Variants in SPAG16 observed in about 807,000 individuals in gnomAD.
SPAG16 encodes sperm-associated antigen 16 protein.
A neutral mutation model predicts 80.4 loss-of-function variants in SPAG16; 86 were observed. That is an observed-to-expected ratio of 1.07 (90% CI 0.90 to 1.28). SPAG16 has a LOEUF of 1.28. Among genes scored for constraint, SPAG16 ranks in the 50% most tolerant of loss-of-function variants. The pLI is 0.00. For synonymous variants in SPAG16, 294 were observed against 265.9 expected (o/e 1.11, Z -1.03); for missense variants, 870 against 765.3 (o/e 1.14, Z -1.61).
intron 15 of SPAG16, among the ~76,000 whole-genome samples, chr2:214,222,981 G>T (rs539336913): frequency 9.9e-5 from 15 of 152,226 alleles, no homozygotes; most frequent in Middle Eastern, 6.8e-3. Context: ...TTAGTCACTT[G>T]TTGAGAACTA....
At chr2:213,355,638 A>T (rs1289399526) in intron 7 of SPAG16, among the ~76,000 whole-genome samples, 1 of 152,068 alleles carries the variant, frequency 6.6e-6, no homozygotes, top group Non-Finnish European at 1.5e-5. Flanking sequence ...TGTGAATGGG[A>T]TTTCACTCAT....
intron 15 of SPAG16, among the ~76,000 whole-genome samples, chr2:214,377,939 G>A (rs1277473178): frequency 6.6e-6 from 1 of 152,124 alleles, no homozygotes; most frequent in African/African-American, 2.4e-5. Flanking sequence ...TATAACTCTT[G>A]AAAGATTACT....
At chr2:213,741,368 C>T (rs2067543405) in intron 10 of SPAG16, among the ~76,000 whole-genome samples, 1 of 152,082 alleles carries the variant, frequency 6.6e-6, no homozygotes, top group Admixed American at 6.6e-5. Flanking sequence ...TAAATCCAAT[C>T]AGTATTCTCT....
At chr2:214,384,094 A>C (rs991031425) in intron 15 of SPAG16, among the ~76,000 whole-genome samples, 8 of 152,172 alleles carry the variant, frequency 5.3e-5, no homozygotes, top group African/African-American at 1.9e-4. Flanking sequence ...ATCTCAGAAT[A>C]TTTCAATTTA....
At position 213,810,707 on chromosome 2, in the gene SPAG16, T is replaced by C. The variant is rs78432580; in HGVS notation, c.1071-51778T>C. Among the ~76,000 whole-genome samples the C allele has an allele frequency of 8.7e-3, 1,327 of 152,294 alleles. 24 individuals carry two copies. The highest frequency in any genetic ancestry group is 0.029 in the African/African-American group (1,200 of 41,556). On this transcript the variant is annotated intron_variant, in intron 10 of 15. Transcript: ENST00000331683. ...AAGAATGAGAGCTCTGGGGAAAGAC[T>C]GGTCTTTAGTTTCGTGGTGCGGAAG...
At chr2:213,654,776 G>GGCT (rs2063160293) in intron 10 of SPAG16, among the ~76,000 whole-genome samples, 1 of 151,716 alleles carries the variant, frequency 6.6e-6, no homozygotes, top group Non-Finnish European at 1.5e-5. Flanking sequence ...AAAAACAGCA[G>GGCT]TTCTCCTACA....
intron 15 of SPAG16, among the ~76,000 whole-genome samples, chr2:214,395,882 T>G (rs1199808477): frequency 6.6e-6 from 1 of 152,186 alleles, no homozygotes; most frequent in Non-Finnish European, 1.5e-5. Flanking sequence ...TATGGCTGCA[T>G]AGTATTCCAT....
At chr2:214,099,856 A>G (rs2052877605) in intron 13 of SPAG16, among the ~76,000 whole-genome samples, 1 of 152,132 alleles carries the variant, frequency 6.6e-6, no homozygotes, top group Non-Finnish European at 1.5e-5. Flanking sequence ...TCATATCGCA[A>G]TCTGAATAAC....
At chr2:213,330,121 A>G (rs963182073) in intron 5 of SPAG16, among the ~76,000 whole-genome samples, 1 of 152,230 alleles carries the variant, frequency 6.6e-6, no homozygotes, top group Admixed American at 6.5e-5. Flanking sequence ...AACCTCTGCT[A>G]AGGCAGTGCG....
At chr2:213,388,756 A>G (rs906954054) in intron 9 of SPAG16, among the ~76,000 whole-genome samples, 5 of 152,228 alleles carry the variant, frequency 3.3e-5, no homozygotes, top group Non-Finnish European at 5.9e-5. Context: ...AAAAGAATAA[A>G]GTACTTAGGA....
chr2:214,303,699 C>T (rs1052589849), intron 15 of SPAG16, among the ~76,000 whole-genome samples: 18 of 152,214 alleles, frequency 1.2e-4, no homozygotes, highest in East Asian at 1.2e-3. Flanking sequence ...CCTAAGTTTG[C>T]CCATCAAATA....
intron 10 of SPAG16, among the ~76,000 whole-genome samples, chr2:213,775,633 C>T (rs1308169755): frequency 6.6e-6 from 1 of 152,144 alleles, no homozygotes; most frequent in Admixed American, 6.5e-5. Flanking sequence ...TCACTGTTTT[C>T]CCATCCCCTC....
intron 10 of SPAG16, among the ~76,000 whole-genome samples, chr2:213,576,615 C>T (rs1647787518): frequency 6.6e-6 from 1 of 152,086 alleles, no homozygotes; most frequent in East Asian, 1.9e-4. Context: ...AAATGTGGTA[C>T]ATATACACCA....
At chr2:213,976,994 G>A (rs74816025) in intron 12 of SPAG16, among the ~76,000 whole-genome samples, 2,280 of 152,068 alleles carry the variant, frequency 0.015, 58 homozygotes, top group African/African-American at 0.051. Flanking sequence ...GTTTTAAGTC[G>A]CTAAATTTGT....
At chr2:213,998,443 G>A (rs2046629763) in intron 12 of SPAG16, among the ~76,000 whole-genome samples, 1 of 152,152 alleles carries the variant, frequency 6.6e-6, no homozygotes, top group African/African-American at 2.4e-5. Flanking sequence ...GCCTCCATAA[G>A]AAGTGCCTTT....
intron 10 of SPAG16, among the ~76,000 whole-genome samples, chr2:213,639,903 C>A (rs942825252): frequency 9.2e-5 from 14 of 152,136 alleles, no homozygotes; most frequent in African/African-American, 3.1e-4. Flanking sequence ...TCAATAATCC[C>A]AAACTTCTTG....
At chr2:213,299,837 A>T (rs2062660808) in intron 3 of SPAG16, among the ~76,000 whole-genome samples, 2 of 152,134 alleles carry the variant, frequency 1.3e-5, no homozygotes, top group East Asian at 1.9e-4. Context: ...TTGAAATTTA[A>T]GTATTTTACA....
chr2:213,367,615 C>T (rs1405689241), intron 8 of SPAG16, among the ~76,000 whole-genome samples: 1 of 151,984 alleles, frequency 6.6e-6, no homozygotes, highest in African/African-American at 2.4e-5. Flanking sequence ...ATATCCTTCA[C>T]CCACTTGTTG....
intron 13 of SPAG16, among the ~76,000 whole-genome samples, chr2:214,087,503 T>C (rs1187609206): frequency 6.6e-6 from 1 of 152,130 alleles, no homozygotes; most frequent in Non-Finnish European, 1.5e-5. Context: ...TAGATAAGAA[T>C]ATATAGACAT....
Sources: gnomAD v4.1 joint callset for allele counts (sites outside exome capture counted in the v4.1 genomes callset) on GRCh38, gnomAD v4.1.1 for gene constraint, MANE v1.5 for transcripts, NCBI Gene and HGNC (gene_info 2026-07-23, HGNC 2026-07-21) for gene names.